The following ANKS1B variants were observed in gnomAD, a reference collection of about 807,000 sequenced individuals.
The protein encoded by ANKS1B is ankyrin repeat and sterile alpha motif domain containing 1B, also known as ankyrin repeat and sterile alpha motif domain-containing protein 1B.
Under a neutral mutation model 148.3 loss-of-function variants are expected in ANKS1B, and 36 were observed. The observed-to-expected ratio is 0.24, with a 90% CI of 0.19 to 0.32. The LOEUF (loss-of-function observed/expected upper bound fraction) is 0.32, where lower values mean the gene tolerates loss of function less well. Ranked by LOEUF, ANKS1B falls within the 10% of genes least tolerant of loss-of-function variation. ANKS1B has a pLI of 1.00. For synonymous variants in ANKS1B, 542 were observed against 560.8 expected (o/e 0.97, Z 0.47); for missense variants, 1,157 against 1,542.6 (o/e 0.75, Z 4.19).
chr12:99,803,196 T>C (rs1003943075), intron 4 of ANKS1B, among the ~76,000 whole-genome samples: 5 of 151,712 alleles, frequency 3.3e-5, no homozygotes, highest in Non-Finnish European at 4.4e-5. Flanking sequence ...ACAAACCTAC[T>C]TGATATTCAA....
chr12:98,735,508 T>A, exon 10 of ANKS1B: 2 of 671,620 alleles, frequency 3.0e-6, no homozygotes, highest in Non-Finnish European at 5.7e-6. Flanking sequence ...TCAAGCTAAA[T>A]ACATCAACCT....
In ANKS1B at chr12:99,278,652, G is replaced by A. The variant is rs541247140; in HGVS notation, c.1757-31788C>T. Among the ~76,000 whole-genome samples, 679 of 152,230 alleles carry A rather than the reference G, an allele frequency of 4.5e-3. 4 individuals are homozygous for A. Among genetic ancestry groups the A allele is most frequent in the Admixed American group, 0.012 (186 of 15,280 alleles). On this transcript the variant is annotated intron_variant, in intron 12 of 26. Coordinates refer to ENST00000683438, the MANE Select transcript of ANKS1B (RefSeq NM_001352186.2). ...ACCTCCCCAAGCTGAGTTAAATATGGATACTGCATGAAGGATTGTAATCTT... is the reference window on the plus strand; with the variant it reads ...ACCTCCCCAAGCTGAGTTAAATATGAATACTGCATGAAGGATTGTAATCTT...
intron 19 of ANKS1B, among the ~76,000 whole-genome samples, chr12:98,823,671 T>C (rs1260064359): frequency 6.6e-6 from 1 of 152,232 alleles, no homozygotes; most frequent in African/African-American, 2.4e-5. Flanking sequence ...TTTGAGTCTT[T>C]AGTAGAGACG....
chr12:98,999,465 G>A (rs746095593), intron 17 of ANKS1B, among the ~76,000 whole-genome samples: 10 of 152,062 alleles, frequency 6.6e-5, no homozygotes, highest in Admixed American at 6.6e-5. Context: ...CAGATGTTAC[G>A]TATATTACAT....
intron 1 of ANKS1B, among the ~76,000 whole-genome samples, chr12:99,906,905 T>C (rs768974289): frequency 6.6e-6 from 1 of 152,160 alleles, no homozygotes; most frequent in Non-Finnish European, 1.5e-5. Flanking sequence ...AAAAAAGATG[T>C]GTAAACAAAT....
intron 15 of ANKS1B, among the ~76,000 whole-genome samples, chr12:99,124,969 TAA>T (rs58486540): frequency 0.58 from 87,717 of 151,704 alleles, 26,274 homozygotes; most frequent in East Asian, 0.75. Context: ...AATTTCCTGT[TAA>T]AGAGAGAATA....
chr12:99,254,961 C>G (rs1473974502), intron 12 of ANKS1B, among the ~76,000 whole-genome samples: 4 of 152,098 alleles, frequency 2.6e-5, no homozygotes, highest in African/African-American at 9.6e-5. Context: ...AAGAAATAGG[C>G]CTTTGGTTTT....
At chr12:99,808,965 T>G (rs2067986369) in intron 3 of ANKS1B, among the ~76,000 whole-genome samples, 1 of 152,060 alleles carries the variant, frequency 6.6e-6, no homozygotes, top group Non-Finnish European at 1.5e-5. Flanking sequence ...GTTCACAGAT[T>G]TTATCCATGA....
intron 25 of ANKS1B, 145 bp downstream of exon 25, chr12:98,772,897 G>A: frequency 1.2e-6 from 1 of 841,642 alleles, no homozygotes; most frequent in South Asian, 2.1e-5. Context: ...TGTTATGGCA[G>A]CCCTAGCAAA....
intron 14 of ANKS1B, among the ~76,000 whole-genome samples, chr12:99,195,136 T>C (rs538562548): frequency 1.1e-4 from 16 of 152,276 alleles, no homozygotes; most frequent in African/African-American, 3.6e-4. Context: ...CTATATATTA[T>C]TGGTTTCCTA....
chr12:99,519,119 A>T (rs1244356738), intron 9 of ANKS1B, among the ~76,000 whole-genome samples: 2 of 152,084 alleles, frequency 1.3e-5, no homozygotes, highest in Non-Finnish European at 2.9e-5. Context: ...GAATGTTTTC[A>T]AATTTGTTTT....
At chr12:99,937,981 A>G (rs2094822477) in intron 1 of ANKS1B, among the ~76,000 whole-genome samples, 1 of 152,096 alleles carries the variant, frequency 6.6e-6, no homozygotes, top group Non-Finnish European at 1.5e-5. Flanking sequence ...GTGGGCTCTG[A>G]ACACAATCCT....
At chr12:99,461,532 C>T (rs553879829) in intron 10 of ANKS1B, among the ~76,000 whole-genome samples, 1 of 152,134 alleles carries the variant, frequency 6.6e-6, no homozygotes, top group Non-Finnish European at 1.5e-5. Flanking sequence ...AGTGTAAATT[C>T]CAGTAGTATT....
chr12:99,822,523 A>G (rs1458042519), intron 2 of ANKS1B, among the ~76,000 whole-genome samples: 2 of 152,222 alleles, frequency 1.3e-5, no homozygotes, highest in Admixed American at 6.5e-5. Flanking sequence ...GTTCCCACTT[A>G]TAAGTGAGAA....
downstream of ANKS1B, among the ~76,000 whole-genome samples, chr12:98,743,515 CGTCA>C (rs2097821695): frequency 6.6e-6 from 1 of 152,078 alleles, no homozygotes; most frequent in Admixed American, 6.5e-5. Context: ...CAAATCTCTT[CGTCA>C]ATGCATGGGC....
chr12:99,776,080 C>T (rs369405440), intron 6 of ANKS1B, among the ~76,000 whole-genome samples: 1 of 152,172 alleles, frequency 6.6e-6, no homozygotes, highest in African/African-American at 2.4e-5. Flanking sequence ...GATACCACAA[C>T]CAGCCAGGTA....
intron 1 of ANKS1B, among the ~76,000 whole-genome samples, chr12:99,925,666 C>T (rs1346679987): frequency 1.3e-5 from 2 of 151,968 alleles, no homozygotes; most frequent in African/African-American, 2.4e-5. Context: ...TGTTAAGCTT[C>T]GTCAAAAGGA....
In ANKS1B at chr12:99,807,699, C is replaced by T. The variant is rs2067813614; in HGVS notation, c.373-999G>A. Among the ~76,000 whole-genome samples the T allele has an allele frequency of 2.0e-5, 3 of 152,070 alleles. No individual in the cohort carries two copies. In the South Asian group the frequency reaches 6.2e-4, roughly 31 times the overall value. On this transcript the variant is annotated intron_variant, in intron 3 of 26. Coordinates refer to ENST00000683438, the MANE Select transcript of ANKS1B (RefSeq NM_001352186.2). ...AGATAGATACTATTATCATTATCTC[C>T]ATTTTACAGATGAGAAAACTGAGGC...
intron 3 of ANKS1B, 40 bp downstream of exon 3, chr12:99,812,115 T>C (rs761661664): frequency 5.0e-6 from 8 of 1,585,442 alleles, no homozygotes; most frequent in Admixed American, 1.8e-5. Context: ...CTTGTAAAAC[T>C]AGAAAAATTA....
Sources: gnomAD v4.1 joint callset for allele counts (sites outside exome capture counted in the v4.1 genomes callset) on GRCh38, gnomAD v4.1.1 for gene constraint, MANE v1.5 for transcripts, NCBI Gene and HGNC (gene_info 2026-07-23, HGNC 2026-07-21) for gene names.